The following MDGA2 variants were observed in gnomAD, a reference collection of about 807,000 sequenced individuals.
The protein encoded by MDGA2 is MAM domain containing glycosylphosphatidylinositol anchor 2, also known as MAM domain-containing glycosylphosphatidylinositol anchor protein 2.
MDGA2 carries 40 observed loss-of-function variants against 117.8 expected under a neutral mutation model. The ratio of observed to expected loss-of-function variants is 0.34; its 90% CI spans 0.26 to 0.44. MDGA2 has a LOEUF of 0.44. Among genes scored for constraint, MDGA2 ranks in the 20% least tolerant of loss-of-function variants. The pLI is 1.00. For synonymous variants in MDGA2, 452 were observed against 439.0 expected (o/e 1.03, Z -0.37); for missense variants, 1,123 against 1,250.6 (o/e 0.90, Z 1.54).
At chr14:47,226,428 A>G (rs1172811034) in intron 2 of MDGA2, among the ~76,000 whole-genome samples, 1 of 152,026 alleles carries the variant, frequency 6.6e-6, no homozygotes, top group African/African-American at 2.4e-5. Context: ...AGCAGATAGC[A>G]ATAGGTTTTC....
chr14:47,388,479 A>G (rs2138432158), intron 1 of MDGA2, among the ~76,000 whole-genome samples: 1 of 152,264 alleles, frequency 6.6e-6, no homozygotes, highest in South Asian at 2.1e-4. Context: ...CTCCACCTGA[A>G]TGCTGTGTCT....
At chr14:47,508,117 A>AT (rs2138686061) in intron 1 of MDGA2, among the ~76,000 whole-genome samples, 1 of 152,384 alleles carries the variant, frequency 6.6e-6, no homozygotes, top group East Asian at 1.9e-4. Context: ...GACTTCCAAC[A>AT]TAAGGATAGC....
intron 7 of MDGA2, among the ~76,000 whole-genome samples, chr14:47,060,432 A>G (rs1192638876): frequency 6.6e-6 from 1 of 152,104 alleles, no homozygotes; most frequent in Non-Finnish European, 1.5e-5. Context: ...TTCAACACAT[A>G]TTATTTATCT....
chr14:47,259,058 G>C (rs752940339), intron 2 of MDGA2, among the ~76,000 whole-genome samples: 2 of 151,980 alleles, frequency 1.3e-5, no homozygotes, highest in Admixed American at 6.6e-5. Context: ...AAACCTAAAA[G>C]CTATTCACTG....
chr14:47,257,326 C>T (rs976618133), intron 2 of MDGA2, among the ~76,000 whole-genome samples: 1 of 152,100 alleles, frequency 6.6e-6, no homozygotes, highest in Admixed American at 6.6e-5. Flanking sequence ...CTTTCCCTTG[C>T]TGTTTTCTCT....
chr14:46,938,422 C>G (rs1247867695), intron 9 of MDGA2, among the ~76,000 whole-genome samples: 2 of 150,794 alleles, frequency 1.3e-5, no homozygotes, highest in African/African-American at 2.4e-5. Context: ...GCCTATAATC[C>G]CAGCTACTCG....
At chr14:47,637,942 C>T (rs964711918) in intron 1 of MDGA2, among the ~76,000 whole-genome samples, 1 of 152,170 alleles carries the variant, frequency 6.6e-6, no homozygotes, top group Non-Finnish European at 1.5e-5. Flanking sequence ...TATGACACAA[C>T]TCTGATTCAT....
At chr14:47,595,819 T>C (rs1896532512) in intron 1 of MDGA2, among the ~76,000 whole-genome samples, 1 of 152,184 alleles carries the variant, frequency 6.6e-6, no homozygotes, top group African/African-American at 2.4e-5. Context: ...AATGTTCTTA[T>C]ATGATTAGGT....
intron 10 of MDGA2, among the ~76,000 whole-genome samples, chr14:46,918,483 C>G (rs754715268): frequency 3.9e-5 from 6 of 152,146 alleles, no homozygotes; most frequent in Non-Finnish European, 5.9e-5. Flanking sequence ...TTGTTTCTAT[C>G]TTCTCTGTTT....
At chr14:47,614,296 C>T (rs1409610776) in intron 1 of MDGA2, among the ~76,000 whole-genome samples, 1 of 151,920 alleles carries the variant, frequency 6.6e-6, no homozygotes, top group Admixed American at 6.6e-5. Flanking sequence ...CACCATGTTA[C>T]TCAGGCTGGT....
chr14:47,295,886 C>G (rs980587278), intron 2 of MDGA2, among the ~76,000 whole-genome samples: 2 of 151,520 alleles, frequency 1.3e-5, no homozygotes, highest in East Asian at 1.9e-4. Flanking sequence ...GCCTGGACGA[C>G]AGAGTGAGAC....
intron 2 of MDGA2, among the ~76,000 whole-genome samples, chr14:47,247,802 A>C (rs917413634): frequency 2.7e-5 from 4 of 148,594 alleles, no homozygotes; most frequent in Admixed American, 6.7e-5. Flanking sequence ...AGCACCCCCC[A>C]CTCCCTGATA....
chr14:46,899,572 C>T (rs1468924007), intron 10 of MDGA2, among the ~76,000 whole-genome samples: 2 of 151,090 alleles, frequency 1.3e-5, no homozygotes, highest in East Asian at 3.9e-4. Context: ...ATGGGGCTCA[C>T]AGAAAAGCTC....
At chr14:47,228,463 A>G (rs1263073204) in intron 2 of MDGA2, among the ~76,000 whole-genome samples, 1 of 152,198 alleles carries the variant, frequency 6.6e-6, no homozygotes, top group Non-Finnish European at 1.5e-5. Flanking sequence ...AATAAATTAC[A>G]GTAGATACTC....
chr14:47,162,449 G>T (rs1594681916), intron 3 of MDGA2, among the ~76,000 whole-genome samples: 1 of 152,018 alleles, frequency 6.6e-6, no homozygotes, highest in Non-Finnish European at 1.5e-5. Flanking sequence ...ATATTATTCT[G>T]CTGCCTTTTA....
intron 1 of MDGA2, among the ~76,000 whole-genome samples, chr14:47,529,730 G>A (rs1275188106): frequency 6.6e-6 from 1 of 152,142 alleles, no homozygotes; most frequent in Non-Finnish European, 1.5e-5. Context: ...ACTATACCTG[G>A]AGAAGCAGTT....
At chr14:46,843,782 A>T (rs1021573805) in intron 16 of MDGA2, among the ~76,000 whole-genome samples, 2 of 152,142 alleles carry the variant, frequency 1.3e-5, no homozygotes, top group Non-Finnish European at 2.9e-5. Context: ...AAATATAGAA[A>T]ATTACCAAAG....
chr14:47,084,153 T>C (rs1428398114), intron 6 of MDGA2, among the ~76,000 whole-genome samples: 1 of 152,130 alleles, frequency 6.6e-6, no homozygotes, highest in Non-Finnish European at 1.5e-5. Flanking sequence ...ATAGACCATA[T>C]GCTGCTTAAA....
At chr14:47,647,619 T>C (rs10138650) in intron 1 of MDGA2, among the ~76,000 whole-genome samples, 48,329 of 152,024 alleles carry the variant, frequency 0.32, 8,361 homozygotes, top group Middle Eastern at 0.41. Context: ...ATTACCCATG[T>C]TGATACTTAA....
Sources: gnomAD v4.1 joint callset for allele counts (sites outside exome capture counted in the v4.1 genomes callset) on GRCh38, gnomAD v4.1.1 for gene constraint, MANE v1.5 for transcripts, NCBI Gene and HGNC (gene_info 2026-07-23, HGNC 2026-07-21) for gene names.